Variants in ZNF395 observed in about 807,000 individuals in gnomAD.
The protein encoded by ZNF395 is HD gene regulatory region-binding protein 2.
A neutral mutation model predicts 57.7 loss-of-function variants in ZNF395; 20 were observed. The observed-to-expected ratio is 0.35, with a 90% CI of 0.24 to 0.50. The LOEUF is 0.50. Among genes scored for constraint, ZNF395 ranks in the 20% least tolerant of loss-of-function variants. The pLI is 0.97. For missense variants in ZNF395, 606 were observed against 671.2 expected, an observed-to-expected ratio of 0.90 and a Z score of 1.07; for synonymous variants, 295 against 275.9, an observed-to-expected ratio of 1.07 and a Z score of -0.69.
Position 28,359,461 on chromosome 8 carries a change from C to A in ZNF395, c.473+131G>T. 7.8e-7 allele frequency: 1 copy of A among 1,285,540 alleles called. No individual in the cohort carries two copies. The allele number at this position is 1,285,540 out of a possible 1,614,324, so 79.6% of individuals were successfully genotyped here. ...TTAAAAGATTCCCCTTTTCTGTGTC[C>A]CATTTGTCCCAATATCTTGGCACCC... is the stretch of plus-strand genomic sequence containing the variant. On this transcript the variant is annotated intron_variant, in intron 3 of 9. Coordinates refer to ENST00000344423, the MANE Select transcript of ZNF395 (RefSeq NM_018660.3). The surrounding 1 kb of genome is among the most constrained non-coding windows in gnomAD (Gnocchi z 4.7).
At position 28,365,879 on chromosome 8, in the gene ZNF395, C is replaced by T. The variant is rs1801904078; in HGVS notation, c.-58-4697G>A. On this transcript the variant is annotated intron_variant, in intron 1 of 9. Coordinates refer to ENST00000344423, the MANE Select transcript of ZNF395 (RefSeq NM_018660.3). Reference sequence around the variant, plus strand: ...AGTAAAACAAACTCTCTCTGTGGTTCGGGGTTGCAAACTGCTATTTGTCAT... The same window carrying T: ...AGTAAAACAAACTCTCTCTGTGGTTTGGGGTTGCAAACTGCTATTTGTCAT... Among the ~76,000 whole-genome samples, 3 of 152,266 alleles carry T rather than the reference C, an allele frequency of 2.0e-5. No individual in the cohort carries two copies. In the South Asian group the frequency reaches 6.2e-4, roughly 32 times the overall value.
At chr8:28,351,452 A>G (rs1801681507) in intron 7 of ZNF395, 43 bp downstream of exon 7, 1 of 1,528,380 alleles carries the variant, frequency 6.5e-7, no homozygotes, top group Non-Finnish European at 8.8e-7. Flanking sequence ...GCCCGTGATG[A>G]GTCAGCTATG....
chr8:28,373,622 C>T (rs1256959435), intron 1 of ZNF395, among the ~76,000 whole-genome samples: 2 of 152,146 alleles, frequency 1.3e-5, no homozygotes, highest in Non-Finnish European at 2.9e-5. Flanking sequence ...ACGGGCTGCC[C>T]GTTCGGCCTG....
intron 1 of ZNF395, among the ~76,000 whole-genome samples, chr8:28,369,039 T>G (rs1460087743): frequency 6.6e-6 from 1 of 152,030 alleles, no homozygotes; most frequent in Non-Finnish European, 1.5e-5. Context: ...TTTCACCAAG[T>G]TGGCCAGGCT....
intron 9 of ZNF395, 82 bp from the exon 10 acceptor site, chr8:28,348,912 G>T: frequency 6.9e-7 from 1 of 1,458,108 alleles, no homozygotes; most frequent in Non-Finnish European, 9.6e-7. Flanking sequence ...GGGAGAACAA[G>T]CAGAGGCCAA....
intron 1 of ZNF395, 30 bp from the exon 2 acceptor site, chr8:28,361,212 AG>A: frequency 4.4e-6 from 7 of 1,580,278 alleles, no homozygotes; most frequent in Non-Finnish European, 6.0e-6. Context: ...TTCAGGAGGG[AG>A]CCCCACACAG....
intron 1 of ZNF395, among the ~76,000 whole-genome samples, chr8:28,382,462 C>G (rs761723736): frequency 1.7e-4 from 26 of 152,100 alleles, no homozygotes; most frequent in Non-Finnish European, 3.7e-4. Context: ...TTTACACTTT[C>G]CTAACTCCAA....
At position 28,360,941 on chromosome 8, in the gene ZNF395, G is replaced by A. The variant is rs528744238; in HGVS notation, c.184C>T (p.Leu62Phe). Residue 62 changes from leucine to phenylalanine, a missense_variant, in exon 2 of 10, where the codon CTT becomes TTT. Transcript: ENST00000344423. ...AGGCCCGAGGTGCTGGGAGCCTTAA[G>A]GACTTCCTTGGGCTGCTCCTGGCAG... ...TPCQEQPKEV[L>F]KAPSTSGLQQ... 1.1e-5 allele frequency: 18 copies of A among 1,613,952 alleles called. No homozygotes were observed. In the African/African-American group the frequency reaches 2.3e-4, roughly 20 times the overall value.
At chr8:28,351,970 G>C (rs760604766) in intron 6 of ZNF395, among the ~76,000 whole-genome samples, 163 bp from the exon 7 acceptor site, 3 of 152,214 alleles carry the variant, frequency 2.0e-5, no homozygotes, top group Non-Finnish European at 4.4e-5. Context: ...GTGTCACCAG[G>C]ATTATGTGTT....
intron 1 of ZNF395, among the ~76,000 whole-genome samples, chr8:28,367,683 A>G (rs924282618): frequency 6.6e-6 from 1 of 152,128 alleles, no homozygotes; most frequent in Non-Finnish European, 1.5e-5. Context: ...ACCCTATTAC[A>G]CAAGACAGCT....
intron 1 of ZNF395, among the ~76,000 whole-genome samples, chr8:28,374,470 A>T (rs924348631): frequency 1.3e-5 from 2 of 152,156 alleles, no homozygotes; most frequent in African/African-American, 4.8e-5. Context: ...TTTTCATTTA[A>T]ATTTTTTTTT....
At chr8:28,385,789 G>A (rs958240161) in intron 1 of ZNF395, among the ~76,000 whole-genome samples, 2 of 148,274 alleles carry the variant, frequency 1.3e-5, no homozygotes, top group Non-Finnish European at 3.0e-5. Context: ...GGCGGAGGGC[G>A]AGGTAAACAA....
intron 7 of ZNF395, 118 bp from the exon 8 acceptor site, chr8:28,350,274 C>T: frequency 1.2e-6 from 1 of 825,422 alleles, no homozygotes; most frequent in Non-Finnish European, 1.9e-6. Context: ...AGTGCAATGA[C>T]CAGAAAGAGC....
Position 28,353,422 on chromosome 8 carries a change from G to C in ZNF395, c.584-14C>G. 1 of 1,498,420 alleles carries C rather than the reference G, an allele frequency of 6.7e-7. No homozygotes were observed. Among genetic ancestry groups the C allele is most frequent in the Non-Finnish European group, 8.9e-7 (1 of 1,121,598 alleles). 92.8% of individuals were successfully genotyped at this position (1,498,420 alleles called of 1,614,324 possible). A position where few individuals can be genotyped will look rare whatever the true frequency, so the allele number is the denominator to read the frequency against. Reference sequence around the variant, plus strand: ...CCGCACGGGAAGCTGGCCAGATGAAGAAAAGATGAGAGGACGCTCACGGGC... The same window carrying C: ...CCGCACGGGAAGCTGGCCAGATGAACAAAAGATGAGAGGACGCTCACGGGC... On this transcript the variant is annotated splice_polypyrimidine_tract_variant and intron_variant, in intron 4 of 9. Transcript: ENST00000344423.
intron 1 of ZNF395, among the ~76,000 whole-genome samples, chr8:28,370,888 A>G (rs966339600): frequency 2.0e-5 from 3 of 152,224 alleles, no homozygotes; most frequent in East Asian, 1.9e-4. Flanking sequence ...TGACAAGAGA[A>G]TAACAGGAAC....
chr8:28,378,678 G>T (rs757378905), intron 1 of ZNF395, among the ~76,000 whole-genome samples: 2 of 152,148 alleles, frequency 1.3e-5, no homozygotes, highest in Non-Finnish European at 2.9e-5. Flanking sequence ...TGAAGGTAAA[G>T]CCCCTATTCT....
At chr8:28,374,180 G>T (rs1206220292) in intron 1 of ZNF395, among the ~76,000 whole-genome samples, 1 of 152,196 alleles carries the variant, frequency 6.6e-6, no homozygotes, top group Admixed American at 6.5e-5. Flanking sequence ...CATAGGAGCC[G>T]GGAACTATCA....
chr8:28,351,222 T>C (rs951008745), intron 7 of ZNF395, among the ~76,000 whole-genome samples: 2 of 152,200 alleles, frequency 1.3e-5, no homozygotes, highest in African/African-American at 4.8e-5. Flanking sequence ...AGCAGAGGTG[T>C]GACAATTCCC....
At chr8:28,385,407 C>CG (rs923516948) in intron 1 of ZNF395, 1 of 151,822 alleles carries the variant, frequency 6.6e-6, no homozygotes, top group African/African-American at 2.4e-5. Context: ...GCCCCGCCCC[C>CG]CCCCCGGGCA....
Sources: gnomAD v4.1 joint callset for allele counts (sites outside exome capture counted in the v4.1 genomes callset) on GRCh38, gnomAD v4.1.1 for gene constraint, Gnocchi (gnomAD v3.1) non-coding constraint, MANE v1.5 for transcripts, NCBI Gene and HGNC (gene_info 2026-07-23, HGNC 2026-07-21) for gene names.